Variants in KLRF1 observed in about 807,000 individuals in gnomAD.
KLRF1 encodes the protein killer cell lectin like receptor F1.
A neutral mutation model predicts 30.7 loss-of-function variants in KLRF1; 27 were observed. The ratio of observed to expected loss-of-function variants is 0.88; its 90% CI spans 0.65 to 1.21. The LOEUF is 1.21. KLRF1 is among the 50% of genes most tolerant of loss of function. The probability of loss-of-function intolerance (pLI) is 0.00; values close to 1 mark genes in which losing one functional copy is unlikely to be tolerated. For missense variants in KLRF1, 246 were observed against 259.3 expected, an observed-to-expected ratio of 0.95 and a Z score of 0.35; for synonymous variants, 92 against 89.3, an observed-to-expected ratio of 1.03 and a Z score of -0.17.
chr12:9,836,690 T>A (rs1867585353), intron 3 of KLRF1, among the ~76,000 whole-genome samples: 1 of 152,156 alleles, frequency 6.6e-6, no homozygotes, highest in Non-Finnish European at 1.5e-5. Flanking sequence ...ATATTTTATG[T>A]TCTACTTATT....
At chr12:9,801,058 T>C in the KLRF1 span, among the ~76,000 whole-genome samples, 1 of 152,020 alleles carries the variant, frequency 6.6e-6, no homozygotes, top group African/African-American at 2.4e-5. Flanking sequence ...CCATGTGTTC[T>C]CATTGTTTAA....
At chr12:9,842,217 AAG>A (rs1867718183) in intron 4 of KLRF1, 102 bp from the exon 5 acceptor site, 2 of 1,187,488 alleles carry the variant, frequency 1.7e-6, no homozygotes, top group Admixed American at 4.7e-5. Context: ...TGATTACCAT[AAG>A]AATCCCTATG....
chr12:9,807,307 A>G, the KLRF1 span, among the ~76,000 whole-genome samples: 1 of 152,104 alleles, frequency 6.6e-6, no homozygotes, highest in Non-Finnish European at 1.5e-5. Context: ...GTCTTTTAAA[A>G]AAGAAAACAA....
chr12:9,806,032 T>C, the KLRF1 span, among the ~76,000 whole-genome samples: 2 of 151,990 alleles, frequency 1.3e-5, no homozygotes, highest in Admixed American at 6.6e-5. Flanking sequence ...ATTTATACTG[T>C]AATCTTTCTT....
At chr12:9,838,042 G>C (rs968484467) in intron 3 of KLRF1, among the ~76,000 whole-genome samples, 1 of 152,088 alleles carries the variant, frequency 6.6e-6, no homozygotes, top group African/African-American at 2.4e-5. Context: ...CGGTAAATTG[G>C]TGAAACAATT....
At chr12:9,809,310 A>G in the KLRF1 span, among the ~76,000 whole-genome samples, 1 of 152,146 alleles carries the variant, frequency 6.6e-6, no homozygotes, top group African/African-American at 2.4e-5. Context: ...AAAGGGTGGG[A>G]CTTTTTTCCT....
At chr12:9,830,187 G>C (rs1015918823) in intron 1 of KLRF1, among the ~76,000 whole-genome samples, 3 of 152,030 alleles carry the variant, frequency 2.0e-5, no homozygotes, top group Non-Finnish European at 4.4e-5. Flanking sequence ...AACTATCCGT[G>C]AGTAATGAAT....
chr12:9,815,025 A>T, the KLRF1 span, among the ~76,000 whole-genome samples: 3 of 152,326 alleles, frequency 2.0e-5, no homozygotes, highest in East Asian at 5.8e-4. Context: ...TAAATGCTTG[A>T]GGTGATGGAT....
the KLRF1 span, among the ~76,000 whole-genome samples, chr12:9,808,549 G>T: frequency 6.6e-6 from 1 of 152,088 alleles, no homozygotes. Flanking sequence ...TAAGAAAACA[G>T]TAGGCTCAAA....
intron 3 of KLRF1, among the ~76,000 whole-genome samples, chr12:9,841,391 C>A (rs928332401): frequency 1.3e-5 from 2 of 151,932 alleles, no homozygotes; most frequent in Admixed American, 6.6e-5. Context: ...TTGAAATAAT[C>A]TCTACATCAA....
At chr12:9,816,780 C>G in the KLRF1 span, among the ~76,000 whole-genome samples, 21 of 148,006 alleles carry the variant, frequency 1.4e-4, no homozygotes, top group African/African-American at 4.3e-4. Context: ...GTCTCCCAGG[C>G]TGGAGTGCAG....
the KLRF1 span, among the ~76,000 whole-genome samples, chr12:9,820,113 A>C: frequency 6.6e-6 from 1 of 151,658 alleles, no homozygotes; most frequent in Non-Finnish European, 1.5e-5. Context: ...ACTGGGTGTG[A>C]CCACCCAACT....
the KLRF1 span, among the ~76,000 whole-genome samples, chr12:9,804,131 G>A: frequency 6.6e-6 from 1 of 151,740 alleles, no homozygotes; most frequent in Non-Finnish European, 1.5e-5. Context: ...CTATCCTAGT[G>A]GGCATGAAAT....
chr12:9,840,369 T>C (rs1045796222), intron 3 of KLRF1, among the ~76,000 whole-genome samples: 13 of 152,056 alleles, frequency 8.5e-5, no homozygotes, highest in Admixed American at 8.5e-4. Context: ...ATAATCACGA[T>C]AAAAAATAAA....
intron 3 of KLRF1, among the ~76,000 whole-genome samples, chr12:9,836,866 A>G (rs1867589584): frequency 6.6e-6 from 1 of 152,136 alleles, no homozygotes; most frequent in Non-Finnish European, 1.5e-5. Context: ...CGGCTTTGGT[A>G]GGTAAACATG....
At chr12:9,814,984 G>T in the KLRF1 span, among the ~76,000 whole-genome samples, 1 of 152,122 alleles carries the variant, frequency 6.6e-6, no homozygotes, top group Non-Finnish European at 1.5e-5. Context: ...GTTATGAGAA[G>T]ATTTGAAGTG....
intron 1 of KLRF1, among the ~76,000 whole-genome samples, 179 bp downstream of exon 1, chr12:9,827,808 T>A (rs1423235868): frequency 2.6e-5 from 4 of 152,154 alleles, no homozygotes; most frequent in Non-Finnish European, 4.4e-5. Flanking sequence ...TAACAACCTC[T>A]CTTACCATTT....
At chr12:9,825,260 T>TAAAAAAA (rs35934573), upstream of KLRF1, among the ~76,000 whole-genome samples, 41 of 138,084 alleles carry the variant, frequency 3.0e-4, no homozygotes, top group African/African-American at 1.1e-3. Context: ...AAGGTACTGG[T>TAAAAAAA]AAAAAAAAAA....
intron 1 of KLRF1, among the ~76,000 whole-genome samples, chr12:9,831,541 A>G (rs1867428201): frequency 6.6e-6 from 1 of 152,168 alleles, no homozygotes; most frequent in Non-Finnish European, 1.5e-5. Flanking sequence ...AGATTTACAT[A>G]AATTATCTTT....
Sources: gnomAD v4.1 joint callset for allele counts (sites outside exome capture counted in the v4.1 genomes callset) on GRCh38, gnomAD v4.1.1 for gene constraint, MANE v1.5 for transcripts, NCBI Gene and HGNC (gene_info 2026-07-23, HGNC 2026-07-21) for gene names.